The following MAPRE1 variants were observed in gnomAD, a reference collection of about 807,000 sequenced individuals.
MAPRE1 encodes the protein microtubule associated protein RP/EB family member 1.
Under a neutral mutation model 32.1 loss-of-function variants are expected in MAPRE1, and 5 were observed. The observed-to-expected ratio is 0.16, with a 90% CI of 0.08 to 0.33. The LOEUF (loss-of-function observed/expected upper bound fraction) is 0.33. Among genes scored for constraint, MAPRE1 ranks in the 10% least tolerant of loss-of-function variants. The pLI, the probability that MAPRE1 is intolerant of heterozygous loss-of-function variation, is 1.00. For missense variants in MAPRE1, 209 were observed against 327.2 expected, an observed-to-expected ratio of 0.64 and a Z score of 2.79; for synonymous variants, 122 against 118.9, an observed-to-expected ratio of 1.03 and a Z score of -0.17.
chr20:32,826,519 CTT>C (rs71338460), intron 2 of MAPRE1, among the ~76,000 whole-genome samples: 901 of 46,410 alleles, frequency 0.019, 9 homozygotes, highest in African/African-American at 0.077. Flanking sequence ...CACGCCCGGC[CTT>C]TTTTTTTTTT....
rs559768959 is a variant in MAPRE1 at position 32,850,047 on chromosome 20, G to T, written c.*1319G>T. On this transcript the variant is annotated 3_prime_UTR_variant, in exon 7 of 7. Transcript: ENST00000375571. ...TGTTTGGCAGGATTCTGCAAAATGT[G>T]TCTCACCCACTACTGAGATTGTTCA... The T allele has an allele frequency of 6.6e-6, 1 of 152,582 alleles. No individual in the cohort carries two copies. The highest frequency in any genetic ancestry group is 1.5e-5 in the Non-Finnish European group (1 of 68,036). The allele number at this position is 152,582 out of a possible 1,614,324, so 9.5% of individuals were successfully genotyped here. A position where few individuals can be genotyped will look rare whatever the true frequency, so the allele number is the denominator to read the frequency against.
At chr20:32,839,617 C>A in intron 4 of MAPRE1, 118 bp from the exon 5 acceptor site, 2 of 1,392,698 alleles carry the variant, frequency 1.4e-6, no homozygotes, top group Non-Finnish European at 9.8e-7. Flanking sequence ...GCATTGGTTC[C>A]CTTCACTGAA....
At chr20:32,845,520 C>T (rs1250488231) in intron 5 of MAPRE1, among the ~76,000 whole-genome samples, 1 of 152,096 alleles carries the variant, frequency 6.6e-6, no homozygotes, top group Non-Finnish European at 1.5e-5. Flanking sequence ...TCTCTGGATG[C>T]TTTTTGACTG....
chr20:32,829,075 C>G (rs1982947462), intron 2 of MAPRE1, among the ~76,000 whole-genome samples: 1 of 152,036 alleles, frequency 6.6e-6, no homozygotes, highest in African/African-American at 2.4e-5. Context: ...TGCGTGCCAC[C>G]TGTAATTTTT....
intron 2 of MAPRE1, among the ~76,000 whole-genome samples, chr20:32,830,662 A>G (rs1982990567): frequency 6.6e-6 from 1 of 151,690 alleles, no homozygotes; most frequent in East Asian, 1.9e-4. Context: ...CTTTTGTTAT[A>G]TTGCATAAGT....
In MAPRE1 at chr20:32,824,810, CT is replaced by C. The variant is rs1378101052; in HGVS notation, c.-3-1112del. 1.5e-4 allele frequency among the ~76,000 whole-genome samples: 22 copies of C among 149,796 alleles called. 1 individual carries two copies. In the East Asian group the frequency reaches 4.5e-3, roughly 31 times the overall value. ...CCAGTGTGCCTGGCCTAGGTATAGT[CT>C]TTAAGGAAAATTTGGGAAGTAGTGA... On this transcript the variant is annotated intron_variant, in intron 1 of 6. Coordinates refer to ENST00000375571, the MANE Select transcript of MAPRE1 (RefSeq NM_012325.3).
At chr20:32,827,619 G>A (rs1257689451) in intron 2 of MAPRE1, among the ~76,000 whole-genome samples, 2 of 151,922 alleles carry the variant, frequency 1.3e-5, no homozygotes, top group East Asian at 1.9e-4. Flanking sequence ...TTGCTTGGCC[G>A]GGTGTGGTGG....
chr20:32,845,180 A>G (rs1012851343), intron 5 of MAPRE1, among the ~76,000 whole-genome samples: 1 of 152,134 alleles, frequency 6.6e-6, no homozygotes, highest in Non-Finnish European at 1.5e-5. Context: ...ATCTGGTACT[A>G]TAGGCATACA....
intron 2 of MAPRE1, among the ~76,000 whole-genome samples, chr20:32,827,880 G>A (rs1982907440): frequency 6.8e-6 from 1 of 147,930 alleles, no homozygotes; most frequent in African/African-American, 2.5e-5. Flanking sequence ...GGGTGACAGA[G>A]CGAGGCTCTG....
intron 1 of MAPRE1, among the ~76,000 whole-genome samples, chr20:32,823,224 G>A (rs1478492454): frequency 6.6e-6 from 1 of 152,226 alleles, no homozygotes; most frequent in Non-Finnish European, 1.5e-5. Context: ...ACATTCTGTG[G>A]CTTGGTGAGT....
intron 2 of MAPRE1, among the ~76,000 whole-genome samples, chr20:32,830,868 C>T (rs1044281396): frequency 3.3e-5 from 5 of 151,952 alleles, no homozygotes; most frequent in African/African-American, 1.2e-4. Context: ...GGACTACAGG[C>T]GCCCGCCACC....
In MAPRE1 at chr20:32,820,061, TGG is replaced by T. The variant is rs1022791371; in HGVS notation, c.-4+39_-4+40del. 422 of 141,558 alleles carry T rather than the reference TGG, an allele frequency of 3.0e-3. 4 individuals carry two copies. The highest frequency in any genetic ancestry group is 4.4e-3 in the Non-Finnish European group (284 of 64,686). The allele number at this position is 141,558 out of a possible 1,614,324, so 8.8% of individuals were successfully genotyped here. ...GGCTAGCGGGCCCGGGGGGTGCGGC[TGG>T]GGGGGCGGCCGCGTGGGCCAAGGCC... On this transcript the variant is annotated intron_variant, in intron 1 of 6. Transcript: ENST00000375571.
chr20:32,838,621 G>T (rs1983266504), intron 4 of MAPRE1, among the ~76,000 whole-genome samples: 1 of 152,172 alleles, frequency 6.6e-6, no homozygotes, highest in South Asian at 2.1e-4. Flanking sequence ...ATTCCCATCA[G>T]CAGGGTTCCC....
At position 32,845,028 on chromosome 20, in the gene MAPRE1, TATGTATGAATGA is replaced by T. The variant is rs1281358882; in HGVS notation, c.598-1586_598-1575del. Among the ~76,000 whole-genome samples, 232 of 89,898 alleles carry T rather than the reference TATGTATGAATGA, an allele frequency of 2.6e-3. 1 individual carries two copies. Among genetic ancestry groups the T allele is most frequent in the Non-Finnish European group, 1.3e-3 (53 of 39,644 alleles). The allele number at this position is 89,898 out of a possible 152,430, so 59.0% of individuals were successfully genotyped here. A position where few individuals can be genotyped will look rare whatever the true frequency, so the allele number is the denominator to read the frequency against. ...GTATGTATGTATGTATGTATGTATGTATGTATGAATGAATGAATGAATGATTGAATGAGACAG... is the reference window on the plus strand; with the variant it reads ...GTATGTATGTATGTATGTATGTATGTATGAATGAATGATTGAATGAGACAG... On this transcript the variant is annotated intron_variant, in intron 5 of 6. Transcript: ENST00000375571.
intron 4 of MAPRE1, among the ~76,000 whole-genome samples, chr20:32,839,327 A>G (rs1983289226): frequency 6.6e-6 from 1 of 152,198 alleles, no homozygotes; most frequent in Admixed American, 6.5e-5. Context: ...TTTGGTTTGT[A>G]GATGTGTTAA....
intron 1 of MAPRE1, among the ~76,000 whole-genome samples, chr20:32,823,660 G>T (rs1982763463): frequency 6.6e-6 from 1 of 152,216 alleles, no homozygotes. Context: ...TGTAATCCCA[G>T]CACCTTGGGA....
intron 2 of MAPRE1, among the ~76,000 whole-genome samples, chr20:32,828,994 C>G (rs1026867083): frequency 6.6e-6 from 1 of 151,578 alleles, no homozygotes; most frequent in Non-Finnish European, 1.5e-5. Context: ...GATCTCGGCT[C>G]ACTGCAACCT....
At chr20:32,827,581 G>A (rs753425404) in intron 2 of MAPRE1, among the ~76,000 whole-genome samples, 9 of 152,060 alleles carry the variant, frequency 5.9e-5, no homozygotes, top group African/African-American at 9.7e-5. Context: ...CACTGTGCCT[G>A]CCCTGGATCG....
chr20:32,827,331 C>G (rs563644419), intron 2 of MAPRE1, among the ~76,000 whole-genome samples: 40 of 151,906 alleles, frequency 2.6e-4, no homozygotes, highest in Non-Finnish European at 4.9e-4. Flanking sequence ...ACGCTTGAGC[C>G]CGGGAGGTGG....
Sources: gnomAD v4.1 joint callset for allele counts (sites outside exome capture counted in the v4.1 genomes callset) on GRCh38, gnomAD v4.1.1 for gene constraint, MANE v1.5 for transcripts, NCBI Gene and HGNC (gene_info 2026-07-23, HGNC 2026-07-21) for gene names.